Variants in BICC1 observed in about 807,000 individuals in gnomAD.
BICC1 encodes protein bicaudal C homolog 1.
A neutral mutation model predicts 111.0 loss-of-function variants in BICC1; 43 were observed. The ratio of observed to expected loss-of-function variants is 0.39; its 90% CI spans 0.30 to 0.50. The LOEUF is 0.50. BICC1 is among the 20% of genes least tolerant of loss of function. BICC1 has a pLI of 0.88. For missense variants in BICC1, 1,091 were observed against 1,203.2 expected (o/e 0.91, Z 1.38); for synonymous variants, 467 against 434.4 (o/e 1.07, Z -0.93).
rs1289793046 is a variant in BICC1, at chr10:58,525,980, T to G, written c.190+12647T>G. ...GTTATGAACTACCTAATAACGAATGTGATTACATGGCTTTTTTTTCTTCGT... is the reference window on the plus strand; with the variant it reads ...GTTATGAACTACCTAATAACGAATGGGATTACATGGCTTTTTTTTCTTCGT... On this transcript the variant is annotated intron_variant, in intron 1 of 20. Transcript: ENST00000373886. 3.1e-5 allele frequency among the ~76,000 whole-genome samples: 4 copies of G among 130,716 alleles called. No homozygotes were observed. In the East Asian group the frequency reaches 9.4e-4, roughly 31 times the overall value. 85.8% of individuals were successfully genotyped at this position (130,716 alleles called of 152,430 possible). A position where few individuals can be genotyped will look rare whatever the true frequency, so the allele number is the denominator to read the frequency against.
At chr10:58,648,044 G>A (rs894771296) in intron 2 of BICC1, among the ~76,000 whole-genome samples, 6 of 152,042 alleles carry the variant, frequency 3.9e-5, no homozygotes, top group Admixed American at 1.3e-4. Context: ...TTGATCTGGT[G>A]GTTTCTTGCC....
At chr10:58,690,074 C>T (rs1399839813) in intron 2 of BICC1, among the ~76,000 whole-genome samples, 1 of 152,124 alleles carries the variant, frequency 6.6e-6, no homozygotes, top group African/African-American at 2.4e-5. Context: ...ATATATACAG[C>T]ATTAAAAGAT....
chr10:58,735,113 A>G (rs1235490717), intron 3 of BICC1, among the ~76,000 whole-genome samples: 1 of 152,204 alleles, frequency 6.6e-6, no homozygotes, highest in Non-Finnish European at 1.5e-5. Context: ...TTCCCTTTTT[A>G]TACTACAAAA....
chr10:58,620,622 GTCTT>G (rs1178989800), intron 1 of BICC1, among the ~76,000 whole-genome samples: 1 of 152,124 alleles, frequency 6.6e-6, no homozygotes, highest in Non-Finnish European at 1.5e-5. Context: ...GGGTTTGTGA[GTCTT>G]TCAGACAAAG....
intron 2 of BICC1, among the ~76,000 whole-genome samples, chr10:58,675,718 A>C (rs763419252): frequency 2.6e-5 from 4 of 152,246 alleles, no homozygotes; most frequent in Admixed American, 6.5e-5. Context: ...AATTAATTAG[A>C]TTGTGATAAT....
intron 2 of BICC1, among the ~76,000 whole-genome samples, chr10:58,660,982 A>G (rs1028425078): frequency 6.6e-6 from 1 of 152,214 alleles, no homozygotes; most frequent in African/African-American, 2.4e-5. Context: ...CATTTCTCCC[A>G]CAAGTGGAAT....
In BICC1 at chr10:58,710,942, T is replaced by C. The variant is rs139335952; in HGVS notation, c.307+8799T>C. Among the ~76,000 whole-genome samples the C allele has an allele frequency of 8.8e-4, 134 of 152,146 alleles. 3 individuals carry two copies. The East Asian group carries it at 0.015, about 17-fold the overall frequency. On this transcript the variant is annotated intron_variant, in intron 3 of 20. Transcript: ENST00000373886. Reference sequence around the variant, plus strand: ...TAGCTCGGTGCAGCCTTGGCCTCCATGACTTAAGTGATCATCTCACCTCAG... The same window carrying C: ...TAGCTCGGTGCAGCCTTGGCCTCCACGACTTAAGTGATCATCTCACCTCAG...
intron 2 of BICC1, among the ~76,000 whole-genome samples, chr10:58,644,597 C>T (rs538622711): frequency 1.3e-5 from 2 of 152,128 alleles, no homozygotes; most frequent in Non-Finnish European, 2.9e-5. Flanking sequence ...TGGAATTGTA[C>T]ATCTAGGGCC....
chr10:58,791,630 C>G (rs944200218), intron 8 of BICC1, among the ~76,000 whole-genome samples: 11 of 151,956 alleles, frequency 7.2e-5, no homozygotes, highest in Non-Finnish European at 1.6e-4. Flanking sequence ...ATCCCAGCTA[C>G]TCAAGAGGCT....
chr10:58,779,294 G>A (rs1239413857), intron 3 of BICC1, among the ~76,000 whole-genome samples: 1 of 152,210 alleles, frequency 6.6e-6, no homozygotes, highest in Non-Finnish European at 1.5e-5. Context: ...TTTGTATGGG[G>A]TTGTCAATGC....
chr10:58,717,048 A>G (rs1840767674), intron 3 of BICC1, among the ~76,000 whole-genome samples: 1 of 152,154 alleles, frequency 6.6e-6, no homozygotes, highest in African/African-American at 2.4e-5. Flanking sequence ...ATTTTTTAGC[A>G]TTAGAATGTG....
chr10:58,561,642 CTT>C lies in BICC1; in HGVS notation c.190+48310_190+48311del, dbSNP rs779083975. ...GTATCATTTGTTCTTTTCTTCCTCTCTTATTGTTTATCTTTGGTGGTTTTCTG... is the reference window on the plus strand; with the variant it reads ...GTATCATTTGTTCTTTTCTTCCTCTCATTGTTTATCTTTGGTGGTTTTCTG... On this transcript the variant is annotated intron_variant, in intron 1 of 20. Transcript: ENST00000373886. Among the ~76,000 whole-genome samples, 8 of 152,080 alleles carry C rather than the reference CTT, an allele frequency of 5.3e-5. No individual in the cohort carries two copies. In the Middle Eastern group the frequency reaches 0.01, roughly 194 times the overall value.
At chr10:58,582,413 A>G (rs534751730) in intron 1 of BICC1, among the ~76,000 whole-genome samples, 18 of 152,288 alleles carry the variant, frequency 1.2e-4, no homozygotes, top group African/African-American at 4.3e-4. Context: ...AATACCTTTA[A>G]CTATCAGGGT....
intron 2 of BICC1, among the ~76,000 whole-genome samples, chr10:58,696,425 T>A (rs1481732977): frequency 6.6e-6 from 1 of 152,214 alleles, no homozygotes; most frequent in African/African-American, 2.4e-5. Context: ...GCCCTTTTTT[T>A]ACTATGAATA....
chr10:58,579,515 T>TG (rs1844208883), intron 1 of BICC1, among the ~76,000 whole-genome samples: 1 of 152,154 alleles, frequency 6.6e-6, no homozygotes, highest in Non-Finnish European at 1.5e-5. Flanking sequence ...CCACGCCTAC[T>TG]GGGGCATCGG....
intron 1 of BICC1, among the ~76,000 whole-genome samples, chr10:58,581,475 G>GA (rs1264056783): frequency 9.9e-5 from 15 of 152,028 alleles, no homozygotes; most frequent in East Asian, 1.9e-4. Flanking sequence ...GAAAAGAAAA[G>GA]AAAAAATCAA....
At chr10:58,748,019 T>C (rs147843879) in intron 3 of BICC1, among the ~76,000 whole-genome samples, 23 of 152,264 alleles carry the variant, frequency 1.5e-4, no homozygotes, top group African/African-American at 5.1e-4. Context: ...GAAAAAACTT[T>C]GACAGCTGCC....
rs61874060 is a variant in BICC1 at position 58,639,712 on chromosome 10, C to T, written c.237+18811C>T. ...AATTACAGGTATGAGCCACTGTGCC[C>T]GGCCAAATTTTTTTTTTTTTTTTTT... On this transcript the variant is annotated intron_variant, in intron 2 of 20. Transcript: ENST00000373886. Among the ~76,000 whole-genome samples the T allele has an allele frequency of 7.3e-3, 994 of 136,326 alleles. 7 individuals carry two copies. The highest frequency in any genetic ancestry group is 0.012 in the Non-Finnish European group (772 of 65,366). The allele number at this position is 136,326 out of a possible 152,430, so 89.4% of individuals were successfully genotyped here.
chr10:58,730,019 A>G (rs952550169), intron 3 of BICC1, among the ~76,000 whole-genome samples: 1 of 152,142 alleles, frequency 6.6e-6, no homozygotes, highest in African/African-American at 2.4e-5. Flanking sequence ...ACAGTCCCCC[A>G]AGTCTTAACT....
Sources: allele counts gnomAD v4.1 joint callset (sites outside exome capture counted in the v4.1 genomes callset), GRCh38; gene constraint gnomAD v4.1.1; transcripts MANE v1.5; gene names NCBI Gene and HGNC (gene_info 2026-07-23, HGNC 2026-07-21).